PALLD: variants seen among roughly 807,000 people sequenced by gnomAD.
The protein encoded by PALLD is palladin.
A neutral mutation model predicts 123.5 loss-of-function variants in PALLD; 61 were observed. That is an observed-to-expected ratio of 0.49 (90% CI 0.40 to 0.61). The LOEUF is 0.61. Ranked by LOEUF, PALLD falls within the 20% of genes least tolerant of loss-of-function variation. The pLI is 0.00. For synonymous variants in PALLD, 465 were observed against 496.4 expected, an observed-to-expected ratio of 0.94 and a Z score of 0.84; for missense variants, 1,273 against 1,377.0, an observed-to-expected ratio of 0.92 and a Z score of 1.20.
chr4:168,732,397 T>C (rs897980405), intron 10 of PALLD, among the ~76,000 whole-genome samples: 2 of 152,196 alleles, frequency 1.3e-5, no homozygotes, highest in African/African-American at 4.8e-5. Context: ...AAATGTGATA[T>C]GTATTATCTG....
At chr4:168,736,008 A>G (rs888491445) in intron 10 of PALLD, among the ~76,000 whole-genome samples, 8 of 152,210 alleles carry the variant, frequency 5.3e-5, no homozygotes, top group Non-Finnish European at 1.2e-4. Context: ...AAAGACCCAG[A>G]AACTCTCCAG....
At position 168,651,402 on chromosome 4, in the gene PALLD, GTT is replaced by G. The variant is rs1778026602; in HGVS notation, c.909-16786_909-16785del. Among the ~76,000 whole-genome samples, 6 of 151,976 alleles carry G rather than the reference GTT, an allele frequency of 3.9e-5. No individual in the cohort carries two copies. In the South Asian group the frequency reaches 1.0e-3, roughly 26 times the overall value. ...TTCCCAACACAAAGAAATGATAAAT[GTT>G]TGAGGTGAGGGACATTCCAGTCACT... On this transcript the variant is annotated intron_variant, in intron 2 of 21. Coordinates refer to ENST00000505667, the MANE Select transcript of PALLD (RefSeq NM_001166108.2).
intron 10 of PALLD, among the ~76,000 whole-genome samples, chr4:168,819,719 A>G (rs879730932): frequency 9.2e-5 from 14 of 152,252 alleles, no homozygotes; most frequent in Admixed American, 5.9e-4. Flanking sequence ...GACTTAGAAC[A>G]ATGCAGAAAT....
At chr4:168,873,260 C>T (rs1338877602) in intron 10 of PALLD, among the ~76,000 whole-genome samples, 1 of 152,128 alleles carries the variant, frequency 6.6e-6, no homozygotes, top group Admixed American at 6.5e-5. Flanking sequence ...CGAAAGTTAC[C>T]CTCCTTACTT....
intron 10 of PALLD, among the ~76,000 whole-genome samples, chr4:168,754,996 G>A (rs1258338587): frequency 2.0e-5 from 3 of 152,196 alleles, no homozygotes; most frequent in Non-Finnish European, 4.4e-5. Flanking sequence ...ACTTCGGGAG[G>A]CTGAGGTGGG....
At chr4:168,534,738 T>C (rs1016977774) in intron 2 of PALLD, among the ~76,000 whole-genome samples, 1 of 152,220 alleles carries the variant, frequency 6.6e-6, no homozygotes, top group African/African-American at 2.4e-5. Flanking sequence ...ACATACATTG[T>C]ATCTTTGTCA....
At chr4:168,585,137 G>A (rs549881900) in intron 2 of PALLD, among the ~76,000 whole-genome samples, 163 of 152,254 alleles carry the variant, frequency 1.1e-3, no homozygotes, top group African/African-American at 3.7e-3. Context: ...AAAAGATGTA[G>A]GAACACAGGA....
intron 3 of PALLD, among the ~76,000 whole-genome samples, chr4:168,679,240 G>T (rs201193259): frequency 8.7e-6 from 1 of 114,920 alleles, no homozygotes; most frequent in African/African-American, 3.4e-5. Flanking sequence ...GGTGTGTGTG[G>T]GGTGTGTGTG....
chr4:168,665,577 A>G (rs1779564149), intron 2 of PALLD, among the ~76,000 whole-genome samples: 1 of 152,192 alleles, frequency 6.6e-6, no homozygotes, highest in African/African-American at 2.4e-5. Flanking sequence ...ACAAACAAAA[A>G]AAATGGTTGC....
At chr4:168,877,303 G>GT (rs1035088917) in intron 10 of PALLD, among the ~76,000 whole-genome samples, 21 of 152,146 alleles carry the variant, frequency 1.4e-4, no homozygotes, top group Non-Finnish European at 2.9e-4. Context: ...TCAACCAAGT[G>GT]TTTTTTTGCT....
chr4:168,777,288 G>C (rs1308169009), intron 10 of PALLD, among the ~76,000 whole-genome samples: 4 of 152,190 alleles, frequency 2.6e-5, no homozygotes. Flanking sequence ...GAAGCAGTAA[G>C]CACTGCTGCA....
chr4:168,678,515 C>CAAGAA (rs1258438861), intron 3 of PALLD, among the ~76,000 whole-genome samples: 1 of 152,058 alleles, frequency 6.6e-6, no homozygotes, highest in African/African-American at 2.4e-5. Context: ...GATAGCGTAT[C>CAAGAA]AAGAAAAGAT....
intron 2 of PALLD, among the ~76,000 whole-genome samples, chr4:168,618,313 A>G (rs1295719492): frequency 6.6e-6 from 1 of 152,216 alleles, no homozygotes. Context: ...ATAACTTTCT[A>G]TGGTTTTATT....
intron 4 of PALLD, among the ~76,000 whole-genome samples, chr4:168,682,271 A>G (rs1781622257): frequency 6.6e-6 from 1 of 152,216 alleles, no homozygotes. Flanking sequence ...AATTTCTTTT[A>G]TCTGCTAGTA....
At chr4:168,510,768 T>C (rs930909980) in intron 1 of PALLD, among the ~76,000 whole-genome samples, 2 of 152,242 alleles carry the variant, frequency 1.3e-5, no homozygotes, top group African/African-American at 4.8e-5. Flanking sequence ...GCTGGTTTCA[T>C]GCTCATGCAG....
At chr4:168,714,458 A>G (rs888366252) in intron 10 of PALLD, among the ~76,000 whole-genome samples, 4 of 152,240 alleles carry the variant, frequency 2.6e-5, no homozygotes, top group Non-Finnish European at 5.9e-5. Context: ...ATACTATTGA[A>G]TGACATCTAC....
chr4:168,907,762 G>A (rs914815066), intron 15 of PALLD, among the ~76,000 whole-genome samples: 3 of 152,044 alleles, frequency 2.0e-5, no homozygotes, highest in Non-Finnish European at 4.4e-5. Context: ...ACCAAGAACA[G>A]CCCTCCTAAT....
intron 2 of PALLD, among the ~76,000 whole-genome samples, chr4:168,615,377 C>T (rs1774127381): frequency 6.6e-6 from 1 of 152,120 alleles, no homozygotes; most frequent in Non-Finnish European, 1.5e-5. Flanking sequence ...ACCATCTATC[C>T]ACACATACTT....
chr4:168,729,452 C>A (rs947273074), intron 10 of PALLD, among the ~76,000 whole-genome samples: 2 of 152,182 alleles, frequency 1.3e-5, no homozygotes, highest in African/African-American at 4.8e-5. Flanking sequence ...ATGTAAGCCA[C>A]TGTGCCTGGC....
Sources: gnomAD v4.1 joint callset for allele counts (sites outside exome capture counted in the v4.1 genomes callset) on GRCh38, gnomAD v4.1.1 for gene constraint, MANE v1.5 for transcripts, NCBI Gene and HGNC (gene_info 2026-07-23, HGNC 2026-07-21) for gene names.